The following CYTH3 variants were observed in gnomAD, a reference collection of about 807,000 sequenced individuals.
The protein encoded by CYTH3 is cytohesin-3.
Under a neutral mutation model 55.1 loss-of-function variants are expected in CYTH3, and 23 were observed. The ratio of observed to expected loss-of-function variants is 0.42; its 90% CI spans 0.30 to 0.59. CYTH3 has a LOEUF of 0.59. CYTH3 is among the 20% of genes least tolerant of loss of function. The pLI is 0.20. For missense variants in CYTH3, 413 were observed against 524.8 expected (o/e 0.79, Z 2.08); for synonymous variants, 249 against 194.9 (o/e 1.28, Z -2.31).
chr7:6,234,875 T>G lies in CYTH3; in HGVS notation c.34+37599A>C, dbSNP rs184930255. 1.4e-4 allele frequency among the ~76,000 whole-genome samples: 21 copies of G among 152,252 alleles called. 1 individual carries two copies. The East Asian group carries it at 4.1e-3, about 29-fold the overall frequency. ...TTGAGTAATTTGTTGAAAATAATAA[T>G]AAGAATATGAGACGTGGCCCAAGTT... On this transcript the variant is annotated intron_variant, in intron 1 of 12. Transcript: ENST00000350796.
At chr7:6,248,185 G>A (rs935108682) in intron 1 of CYTH3, among the ~76,000 whole-genome samples, 1 of 147,616 alleles carries the variant, frequency 6.8e-6, no homozygotes, top group Non-Finnish European at 1.5e-5. Context: ...GAAACATGTT[G>A]CTTTATTCTT....
At chr7:6,176,752 C>T (rs958867838) in intron 5 of CYTH3, among the ~76,000 whole-genome samples, 1 of 152,144 alleles carries the variant, frequency 6.6e-6, no homozygotes, top group African/African-American at 2.4e-5. Context: ...GTGCCAGCAC[C>T]GGGCTGAACA....
intron 4 of CYTH3, 76 bp downstream of exon 4, chr7:6,186,974 T>C (rs2128543121): frequency 1.4e-6 from 2 of 1,468,610 alleles, no homozygotes; most frequent in South Asian, 1.1e-5. Context: ...CTCTGACCTC[T>C]GTCCAAAAGG....
At chr7:6,172,503 G>A (rs1284789533) in intron 6 of CYTH3, among the ~76,000 whole-genome samples, 1 of 151,988 alleles carries the variant, frequency 6.6e-6, no homozygotes, top group Non-Finnish European at 1.5e-5. Context: ...GGCTTGCCGT[G>A]CCCCTCAGGA....
intron 1 of CYTH3, among the ~76,000 whole-genome samples, chr7:6,250,861 T>C (rs1182230108): frequency 6.6e-6 from 1 of 152,204 alleles, no homozygotes; most frequent in African/African-American, 2.4e-5. Flanking sequence ...AGAGAATAGG[T>C]GCTTTATTAC....
rs567214112 is a variant in CYTH3 at position 6,257,692 on chromosome 7, T to C, written c.34+14782A>G. 7.2e-5 allele frequency among the ~76,000 whole-genome samples: 11 copies of C among 152,374 alleles called. No homozygotes were observed. The South Asian group carries it at 2.1e-3, about 29-fold the overall frequency. ...AAGGTGTTTTTCTCTTCGCACTCTA[T>C]GGCGAGGAGATCCTTACTGAATGAA... is the stretch of plus-strand genomic sequence containing the variant. On this transcript the variant is annotated intron_variant, in intron 1 of 12. Coordinates refer to ENST00000350796, the MANE Select transcript of CYTH3 (RefSeq NM_004227.4).
At position 6,171,378 on chromosome 7, in the gene CYTH3, G is replaced by A. The variant is rs568723276; in HGVS notation, c.450-64C>T. ...CCAACACCGCCTCACGGCCAAGGGC[G>A]GCTTCTGCCCAGCTCAGGAAGGACG... On this transcript the variant is annotated intron_variant, in intron 6 of 12. Coordinates refer to ENST00000350796, the MANE Select transcript of CYTH3 (RefSeq NM_004227.4). The surrounding 1 kb of genome is among the most constrained non-coding windows in gnomAD (Gnocchi z 6.7). The A allele has an allele frequency of 3.2e-5, 48 of 1,512,006 alleles. No homozygotes were observed. The highest frequency in any genetic ancestry group is 6.8e-5 in the Admixed American group (4 of 59,094). 93.7% of individuals were successfully genotyped at this position (1,512,006 alleles called of 1,614,324 possible).
At chr7:6,195,263 A>T (rs1783896990) in intron 1 of CYTH3, among the ~76,000 whole-genome samples, 1 of 152,246 alleles carries the variant, frequency 6.6e-6, no homozygotes. Context: ...TAAAGTAAAC[A>T]TGGCAAAGCA....
chr7:6,264,563 G>A (rs573056699), intron 1 of CYTH3, among the ~76,000 whole-genome samples: 11 of 152,134 alleles, frequency 7.2e-5, no homozygotes, highest in African/African-American at 2.2e-4. Flanking sequence ...AGTGAGCTGC[G>A]ATCACACCAC....
intron 1 of CYTH3, among the ~76,000 whole-genome samples, chr7:6,195,228 T>C (rs1783896316): frequency 1.3e-5 from 2 of 152,058 alleles, no homozygotes; most frequent in South Asian, 4.1e-4. Flanking sequence ...CGATATAAAT[T>C]AAGAACACAA....
intron 1 of CYTH3, among the ~76,000 whole-genome samples, chr7:6,254,830 A>G (rs1052211922): frequency 2.6e-5 from 4 of 152,190 alleles, no homozygotes; most frequent in African/African-American, 9.7e-5. Flanking sequence ...AATGTGGCCA[A>G]ATGTTAGCAG....
intron 1 of CYTH3, among the ~76,000 whole-genome samples, chr7:6,216,585 C>G (rs930031573): frequency 6.6e-6 from 1 of 151,234 alleles, no homozygotes; most frequent in Non-Finnish European, 1.5e-5. Flanking sequence ...CAAAAAAAAT[C>G]AAAAAATTAG....
At position 6,180,905 on chromosome 7, in the gene CYTH3, G is replaced by C. The variant is rs1415313355; in HGVS notation, c.250-2964C>G. On this transcript the variant is annotated intron_variant, in intron 4 of 12. Transcript: ENST00000350796. ...AAGTGTCTGTCTTGTCATTACTTTA[G>C]CCCAATCAAATCTACGGTGAGCACT... Among the ~76,000 whole-genome samples, 4 of 151,898 alleles carry C rather than the reference G, an allele frequency of 2.6e-5. No homozygotes were observed. In the East Asian group the frequency reaches 7.7e-4, roughly 29 times the overall value.
At chr7:6,246,027 A>G (rs1456895414) in intron 1 of CYTH3, among the ~76,000 whole-genome samples, 2 of 152,174 alleles carry the variant, frequency 1.3e-5, no homozygotes, top group African/African-American at 4.8e-5. Flanking sequence ...TGCTTCTTAA[A>G]GATTTTCTAA....
At chr7:6,241,181 AAAC>A (rs751033461) in intron 1 of CYTH3, among the ~76,000 whole-genome samples, 9 of 152,218 alleles carry the variant, frequency 5.9e-5, no homozygotes, top group Non-Finnish European at 1.3e-4. Flanking sequence ...TGCACGACAA[AAAC>A]AAAACCAAAA....
At chr7:6,187,475 T>C (rs2128543255) in intron 3 of CYTH3, among the ~76,000 whole-genome samples, 182 bp downstream of exon 3, 1 of 151,944 alleles carries the variant, frequency 6.6e-6, no homozygotes, top group Admixed American at 6.5e-5. Flanking sequence ...CAATGGGAGG[T>C]AACATCCAGG....
At chr7:6,216,326 C>A (rs111654073) in intron 1 of CYTH3, among the ~76,000 whole-genome samples, 4,264 of 151,968 alleles carry the variant, frequency 0.028, 93 homozygotes, top group Middle Eastern at 0.065. Flanking sequence ...AAGTGACACC[C>A]CCAGTAGATG....
At position 6,162,320 on chromosome 7, in the gene CYTH3, CCCGCGGGG is replaced by C. The variant is rs1451301410; in HGVS notation, c.*2616_*2623del. 6.6e-6 allele frequency: 1 copy of C among 152,242 alleles called. No individual in the cohort carries two copies. Among genetic ancestry groups the C allele is most frequent in the Non-Finnish European group, 1.5e-5 (1 of 68,064 alleles). 9.4% of individuals were successfully genotyped at this position (152,242 alleles called of 1,614,324 possible). On this transcript the variant is annotated 3_prime_UTR_variant, in exon 13 of 13. Coordinates refer to ENST00000350796, the MANE Select transcript of CYTH3 (RefSeq NM_004227.4). ...GGGCTGTGGCAGTCGCCGCCGCCTC[CCCGCGGGG>C]CTCCCCTCACTGCCTCCTGGCCTCT... is the stretch of plus-strand genomic sequence containing the variant.
At chr7:6,212,834 C>T (rs1020328275) in intron 1 of CYTH3, 3 of 152,214 alleles carry the variant, frequency 2.0e-5, no homozygotes, top group African/African-American at 7.2e-5. Flanking sequence ...CTGATGGCTT[C>T]AGCTCTTGCC....
Sources: gnomAD v4.1 joint callset for allele counts (sites outside exome capture counted in the v4.1 genomes callset) on GRCh38, gnomAD v4.1.1 for gene constraint, Gnocchi (gnomAD v3.1) non-coding constraint, MANE v1.5 for transcripts, NCBI Gene and HGNC (gene_info 2026-07-23, HGNC 2026-07-21) for gene names.